AGAP1: variants seen among roughly 807,000 people sequenced by gnomAD.
AGAP1 encodes ArfGAP with GTPase domain, ankyrin repeat and PH domain 1.
A neutral mutation model predicts 105.3 loss-of-function variants in AGAP1; 29 were observed. The observed-to-expected ratio is 0.28, with a 90% CI of 0.21 to 0.38. The LOEUF is 0.38. Ranked by LOEUF, AGAP1 falls within the 10% of genes least tolerant of loss-of-function variation. The pLI is 1.00. For synonymous variants in AGAP1, 509 were observed against 485.9 expected (o/e 1.05, Z -0.63); for missense variants, 998 against 1,165.1 (o/e 0.86, Z 2.09).
In AGAP1 at chr2:235,555,777, G is replaced by A. The variant is rs530453112; in HGVS notation, c.163+60928G>A. Among the ~76,000 whole-genome samples the A allele has an allele frequency of 6.6e-6, 1 of 152,270 alleles. No homozygotes were observed. The highest frequency in any genetic ancestry group is 2.4e-5 in the African/African-American group (1 of 41,546). On this transcript the variant is annotated intron_variant, in intron 1 of 17. Transcript: ENST00000304032. This position sits in a 1 kb window ranked among gnomAD's most constrained non-coding sequence, Gnocchi z 5.1. The stretch of plus-strand genomic sequence containing the variant: ...AGTGCTCAGGAGAGGAGACTTTGGG[G>A]GTCATCACTCATTTCTGAGTTACAG...
At chr2:235,590,079 C>T (rs951378320) in intron 1 of AGAP1, among the ~76,000 whole-genome samples, 34 of 152,024 alleles carry the variant, frequency 2.2e-4, no homozygotes, top group Non-Finnish European at 4.3e-4. Context: ...GGGGGTTTCA[C>T]CATGTTGAGC....
At chr2:235,514,181 CACAT>C (rs1383299587) in intron 1 of AGAP1, among the ~76,000 whole-genome samples, 33 of 149,576 alleles carry the variant, frequency 2.2e-4, no homozygotes, top group South Asian at 2.2e-3. Flanking sequence ...CACACACACA[CACAT>C]ACCTCCTCTC....
chr2:235,709,076 CA>C, intron 1 of AGAP1, 102 bp from the exon 2 acceptor site: 1 of 1,164,536 alleles, frequency 8.6e-7, no homozygotes, highest in Non-Finnish European at 1.3e-6. Flanking sequence ...TTGTCTGCAC[CA>C]TCTTCAGTGA....
chr2:235,670,166 C>A (rs921502786), intron 1 of AGAP1: 2 of 583,768 alleles, frequency 3.4e-6, no homozygotes, highest in Admixed American at 2.6e-5. Context: ...GCGCGGGACG[C>A]CCCCCAGAAA....
chr2:235,642,933 C>T lies in AGAP1; in HGVS notation c.164-66246C>T, dbSNP rs780140025. 2.0e-4 allele frequency among the ~76,000 whole-genome samples: 30 copies of T among 152,136 alleles called. No homozygotes were observed. Among genetic ancestry groups the T allele is most frequent in the Non-Finnish European group, 3.7e-4 (25 of 68,022 alleles). On this transcript the variant is annotated intron_variant, in intron 1 of 17. Transcript: ENST00000304032. The surrounding 1 kb of genome is among the most constrained non-coding windows in gnomAD (Gnocchi z 4.1). ...TGTAATGTGCTGCCATGACAAGGCA[C>T]GGTGGTGGTGGGGACCTGGCAAGGT... is the stretch of plus-strand genomic sequence containing the variant.
intron 1 of AGAP1, among the ~76,000 whole-genome samples, chr2:235,641,422 C>G (rs1007331833): frequency 1.3e-5 from 2 of 149,240 alleles, no homozygotes; most frequent in Non-Finnish European, 3.0e-5. Context: ...TGCCTCTCCT[C>G]TCCCCGACCC....
chr2:235,791,303 G>T (rs1310996062), intron 6 of AGAP1, among the ~76,000 whole-genome samples: 1 of 152,190 alleles, frequency 6.6e-6, no homozygotes, highest in Non-Finnish European at 1.5e-5. Context: ...TGAGACGTTA[G>T]GGGATCTTTT....
At chr2:235,916,828 C>G (rs2051909633) in intron 11 of AGAP1, among the ~76,000 whole-genome samples, 1 of 152,144 alleles carries the variant, frequency 6.6e-6, no homozygotes, top group Non-Finnish European at 1.5e-5. Context: ...ATTGACATAG[C>G]CTTTGAGTGG....
intron 1 of AGAP1, among the ~76,000 whole-genome samples, chr2:235,706,016 T>G (rs890519677): frequency 6.6e-6 from 1 of 152,214 alleles, no homozygotes; most frequent in African/African-American, 2.4e-5. Flanking sequence ...TTTTTAAAAC[T>G]TCACGATTTA....
chr2:235,601,084 C>T lies in AGAP1; in HGVS notation c.163+106235C>T, dbSNP rs893852726. Among the ~76,000 whole-genome samples, 1 of 152,200 alleles carries T rather than the reference C, an allele frequency of 6.6e-6. No homozygotes were observed. Among genetic ancestry groups the T allele is most frequent in the Admixed American group, 6.5e-5 (1 of 15,286 alleles). On this transcript the variant is annotated intron_variant, in intron 1 of 17. Coordinates refer to ENST00000304032, the MANE Select transcript of AGAP1 (RefSeq NM_001037131.3). The surrounding 1 kb of genome is among the most constrained non-coding windows in gnomAD (Gnocchi z 4.4). ...AGTACCTGCAGGGTCCAGCCAGCTC[C>T]CCACCTCCACTGGATGCCACTGTGT...
chr2:235,755,016 G>C (rs1012039585), intron 6 of AGAP1, among the ~76,000 whole-genome samples: 4 of 152,178 alleles, frequency 2.6e-5, no homozygotes, highest in Non-Finnish European at 2.9e-5. Context: ...GTTTCTGCTT[G>C]ACCTGGGCAG....
intron 1 of AGAP1, among the ~76,000 whole-genome samples, chr2:235,618,260 T>C (rs1946369878): frequency 1.3e-5 from 2 of 152,222 alleles, no homozygotes; most frequent in South Asian, 4.1e-4. Context: ...TTCTGTGTTA[T>C]CATTACTAAA....
At chr2:235,985,957 T>C (rs779953428) in intron 13 of AGAP1, among the ~76,000 whole-genome samples, 1 of 152,212 alleles carries the variant, frequency 6.6e-6, no homozygotes, top group Non-Finnish European at 1.5e-5. Flanking sequence ...TACAGGGTCT[T>C]CTTTGATTCC....
At chr2:235,518,138 C>G (rs995379691) in intron 1 of AGAP1, among the ~76,000 whole-genome samples, 1 of 152,102 alleles carries the variant, frequency 6.6e-6, no homozygotes, top group African/African-American at 2.4e-5. Context: ...AGGGCTGTGC[C>G]CATCTCTCCT....
intron 16 of AGAP1, among the ~76,000 whole-genome samples, chr2:236,106,134 TG>T (rs1284565824): frequency 6.6e-6 from 1 of 152,242 alleles, no homozygotes; most frequent in Non-Finnish European, 1.5e-5. Context: ...TGGCAGCCTT[TG>T]GGGCCCTAGG....
Position 235,535,556 on chromosome 2 carries a change from C to T in AGAP1, c.163+40707C>T, listed in dbSNP as rs890046870. ...TTTATCCTCCCCTCTCTCTGTTCTG[C>T]GCGGCAGGTAGCAAGGAACGGTGGC... On this transcript the variant is annotated intron_variant, in intron 1 of 17. Transcript: ENST00000304032. This position sits in a 1 kb window ranked among gnomAD's most constrained non-coding sequence, Gnocchi z 5.1. Among the ~76,000 whole-genome samples, 6 of 151,524 alleles carry T rather than the reference C, an allele frequency of 4.0e-5. No homozygotes were observed. Among genetic ancestry groups the T allele is most frequent in the Admixed American group, 2.0e-4 (3 of 15,206 alleles).
intron 16 of AGAP1, among the ~76,000 whole-genome samples, chr2:236,068,080 C>T (rs769684415): frequency 7.2e-5 from 11 of 152,126 alleles, no homozygotes; most frequent in African/African-American, 1.7e-4. Flanking sequence ...GAGACCAGCC[C>T]GGCCAACATG....
Position 235,989,036 on chromosome 2 carries a change from G to T in AGAP1, c.1645+20413G>T, listed in dbSNP as rs1313007730. On this transcript the variant is annotated intron_variant, in intron 13 of 17. Transcript: ENST00000304032. The surrounding 1 kb of genome is among the most constrained non-coding windows in gnomAD (Gnocchi z 4.4). The stretch of plus-strand genomic sequence containing the variant: ...TTGGCCAATAATGTGGAGTCTTTTG[G>T]TTTTTCTGTTCTTCAGAGTTTGCAT... Among the ~76,000 whole-genome samples, 1 of 152,134 alleles carries T rather than the reference G, an allele frequency of 6.6e-6. No individual in the cohort carries two copies. Among genetic ancestry groups the T allele is most frequent in the East Asian group, 1.9e-4 (1 of 5,194 alleles).
In AGAP1 at chr2:236,000,106, C is replaced by T. The variant is rs371083349; in HGVS notation, c.1645+31483C>T. The stretch of plus-strand genomic sequence containing the variant: ...GTAGCCATAACCGTGCAGCATCCAT[C>T]GGGAGGACACACACCCCTGCAGGCC... On this transcript the variant is annotated intron_variant, in intron 13 of 17. Transcript: ENST00000304032. The surrounding 1 kb of genome is among the most constrained non-coding windows in gnomAD (Gnocchi z 4.3). Among the ~76,000 whole-genome samples, 38 of 152,244 alleles carry T rather than the reference C, an allele frequency of 2.5e-4. 1 individual carries two copies. The highest frequency in any genetic ancestry group is 8.7e-4 in the African/African-American group (36 of 41,532).
Sources: allele counts gnomAD v4.1 joint callset (sites outside exome capture counted in the v4.1 genomes callset), GRCh38; gene constraint gnomAD v4.1.1; non-coding constraint Gnocchi (gnomAD v3.1); transcripts MANE v1.5; gene names NCBI Gene and HGNC (gene_info 2026-07-23, HGNC 2026-07-21).